NPM2: variants seen among roughly 807,000 people sequenced by gnomAD.
NPM2 encodes the protein nucleophosmin/nucleoplasmin 2.
NPM2 carries 25 observed loss-of-function variants against 32.0 expected under a neutral mutation model. The observed-to-expected ratio is 0.78, with a 90% CI of 0.57 to 1.09. The LOEUF is 1.09. Among genes scored for constraint, NPM2 ranks in the 50% least tolerant of loss-of-function variants. The pLI is 0.00. For synonymous variants in NPM2, 111 were observed against 94.2 expected, an observed-to-expected ratio of 1.18 and a Z score of -1.04; for missense variants, 282 against 259.9, an observed-to-expected ratio of 1.08 and a Z score of -0.58.
Position 22,033,172 on chromosome 8 carries a change from C to G in NPM2, c.313C>G (p.Gln105Glu). ...GCAGCTTTCTCCCCCAGTTACTTTC[C>G]AGCTCCGGGCTGGCTCAGGACCCGT... is the stretch of plus-strand genomic sequence containing the variant. ...GVQLSPPVTF[Q>E]LRAGSGPVFL... Residue 105 changes from glutamine to glutamate, a missense_variant, in exon 6 of 10, where the codon CAG becomes GAG. Transcript: ENST00000518119. 6.2e-7 allele frequency: 1 copy of G among 1,614,128 alleles called. No individual in the cohort carries two copies. Among genetic ancestry groups the G allele is most frequent in the South Asian group, 1.1e-5 (1 of 91,082 alleles).
Position 22,025,267 on chromosome 8 carries a change from A to G in NPM2, c.19A>G (p.Ser7Gly). The G allele has an allele frequency of 6.2e-7, 1 of 1,611,706 alleles. No individual in the cohort carries two copies. The highest frequency in any genetic ancestry group is 2.2e-5 in the East Asian group (1 of 44,840). Residue 7 changes from serine to glycine, a missense_variant, in exon 3 of 10, where the codon AGT (serine) becomes GGT (glycine). Coordinates refer to ENST00000518119, the MANE Select transcript of NPM2 (RefSeq NM_001286680.2). ...CGGAGCCATGAATCTCAGTAGCGCC[A>G]GTAGCACGGAGGAAAAGGCAGTGAC... MNLSSASSTEEKAVTTV... is the reference protein window; with the variant it reads MNLSSAGSTEEKAVTTV...
intron 8 of NPM2, among the ~76,000 whole-genome samples, chr8:22,036,168 G>A (rs148358291): frequency 0.011 from 1,737 of 151,556 alleles, 40 homozygotes; most frequent in African/African-American, 0.04. Flanking sequence ...AGGATCACTC[G>A]AGCCCAGGAG....
At chr8:22,030,906 T>C (rs760311216) in intron 5 of NPM2, among the ~76,000 whole-genome samples, 18 of 152,232 alleles carry the variant, frequency 1.2e-4, no homozygotes, top group Non-Finnish European at 2.4e-4. Context: ...CTGCAGTCAC[T>C]TGATTTCTTT....
intron 5 of NPM2, among the ~76,000 whole-genome samples, chr8:22,028,235 T>G (rs1394716962): frequency 6.6e-6 from 1 of 152,082 alleles, no homozygotes; most frequent in Non-Finnish European, 1.5e-5. Context: ...TAACAGCAGA[T>G]TTGAGTAGTC....
rs1453065505 is a variant in NPM2, at chr8:22,036,697, G to A, written c.*15G>A. 4.5e-6 allele frequency: 7 copies of A among 1,544,576 alleles called. No individual in the cohort carries two copies. The highest frequency in any genetic ancestry group is 6.1e-6 in the Non-Finnish European group (7 of 1,145,518). On this transcript the variant is annotated 3_prime_UTR_variant, in exon 10 of 10. Coordinates refer to ENST00000518119, the MANE Select transcript of NPM2 (RefSeq NM_001286680.2). ...TCAAGAAATGAGGAGCCACGCCTTG[G>A]GGGGCACGGTGCAAAGTGGGCCTTC... is the stretch of plus-strand genomic sequence containing the variant.
At position 22,033,137 on chromosome 8, in the gene NPM2, T is replaced by C. The variant is rs758722915; in HGVS notation, c.278T>C (p.Met93Thr). The change falls in exon 6 of 10, where the codon ATG (methionine) becomes ACG (threonine). Residue 93 changes from methionine to threonine, a missense_variant. Coordinates refer to ENST00000518119, the MANE Select transcript of NPM2 (RefSeq NM_001286680.2). ...TGCTTCCTCCCCCTGCAGGTCTCCA[T>C]GGTAGGAGTGCAGCTTTCTCCCCCA... ...LQASVLPMVS[M>T]VGVQLSPPVT... 2.2e-5 allele frequency: 36 copies of C among 1,613,730 alleles called. No homozygotes were observed. Among genetic ancestry groups the C allele is most frequent in the Non-Finnish European group, 2.6e-5 (31 of 1,179,826 alleles).
chr8:22,033,978 AC>A (rs1366619486), intron 6 of NPM2, 130 bp from the exon 7 acceptor site: 12 of 1,388,428 alleles, frequency 8.6e-6, no homozygotes, highest in Non-Finnish European at 1.2e-5. Context: ...CAGGCAGGTA[AC>A]CACTGTCAAC....
At chr8:22,034,377 T>G in intron 7 of NPM2, 102 bp downstream of exon 7, 1 of 1,384,936 alleles carries the variant, frequency 7.2e-7, no homozygotes, top group East Asian at 2.3e-5. Flanking sequence ...CCAGAATGAG[T>G]GTACAGGATG....
rs575844938 is a variant in NPM2 at position 22,027,022 on chromosome 8, C to T, written c.270+1250C>T. On this transcript the variant is annotated intron_variant, in intron 5 of 9. Coordinates refer to ENST00000518119, the MANE Select transcript of NPM2 (RefSeq NM_001286680.2). The stretch of plus-strand genomic sequence containing the variant: ...ATATGATTCTAGGTTCTTTAGTCCA[C>T]GTGGTAAATTATATGAAGATAATAA... 2.2e-4 allele frequency among the ~76,000 whole-genome samples: 33 copies of T among 152,314 alleles called. 1 individual carries two copies. The South Asian group carries it at 5.8e-3, about 27-fold the overall frequency.
Position 22,034,209 on chromosome 8 carries a change from G to T in NPM2, c.465G>T (p.Leu155=), listed in dbSNP as rs780934780. 4 of 1,612,434 alleles carry T rather than the reference G, an allele frequency of 2.5e-6. No homozygotes were observed. The highest frequency in any genetic ancestry group is 3.4e-6 in the Non-Finnish European group (4 of 1,179,302). ...AGGATGAGGATGCAGATATATCTCT[G>T]GAGGAGCAAAGCCCTGTCAAACAAG... ...DDEDEDADIS[L]EEQSPVKQVK... is the part of the protein sequence containing the mutation. The change falls in exon 7 of 10, where the codon CTG becomes CTT. Residue 155 remains leucine (L), a synonymous_variant. Transcript: ENST00000518119.
intron 2 of NPM2, 183 bp downstream of exon 2, chr8:22,025,013 G>C: frequency 1.9e-6 from 1 of 539,010 alleles, no homozygotes; most frequent in Non-Finnish European, 3.2e-6. Flanking sequence ...TCCTGTACGC[G>C]CCCGGTCGAG....
rs1585504380 is a variant in NPM2 at position 22,025,143 on chromosome 8, G to A, written c.-33-73G>A. The A allele has an allele frequency of 5.3e-6, 7 of 1,317,234 alleles. No homozygotes were observed. The East Asian group carries it at 1.5e-4, about 28-fold the overall frequency. The allele number at this position is 1,317,234 out of a possible 1,614,324, so 81.6% of individuals were successfully genotyped here. On this transcript the variant is annotated intron_variant, in intron 2 of 9. Coordinates refer to ENST00000518119, the MANE Select transcript of NPM2 (RefSeq NM_001286680.2). ...GACCCCTCAGTACCTGCCGATGCCTGCTGGTCTCTGGCATCCTCCAGTCGA... is the reference window on the plus strand; with the variant it reads ...GACCCCTCAGTACCTGCCGATGCCTACTGGTCTCTGGCATCCTCCAGTCGA...
At chr8:22,034,374 G>C in intron 7 of NPM2, 99 bp downstream of exon 7, 1 of 1,393,022 alleles carries the variant, frequency 7.2e-7, no homozygotes, top group South Asian at 1.3e-5. Context: ...CTCCCAGAAT[G>C]AGTGTACAGG....
chr8:22,036,248 C>G, intron 8 of NPM2: 1 of 485,970 alleles, frequency 2.1e-6, no homozygotes, highest in East Asian at 3.6e-5. Context: ...GACTCCATCT[C>G]AAAAACAAAA....
At chr8:22,030,990 G>T (rs959418854) in intron 5 of NPM2, among the ~76,000 whole-genome samples, 1 of 152,080 alleles carries the variant, frequency 6.6e-6, no homozygotes, top group African/African-American at 2.4e-5. Flanking sequence ...AGTTTATTTT[G>T]TTTTTTTCCA....
chr8:22,034,571 C>T, intron 8 of NPM2, 27 bp downstream of exon 8: 1 of 1,569,516 alleles, frequency 6.4e-7, no homozygotes, highest in Non-Finnish European at 8.8e-7. Context: ...ATTAAATTAG[C>T]CAAAGTCTCC....
Position 22,025,229 on chromosome 8 carries a change from C to T in NPM2, c.-20C>T, listed in dbSNP as rs1256210246. The T allele has an allele frequency of 6.2e-7, 1 of 1,608,398 alleles. No homozygotes were observed. Among genetic ancestry groups the T allele is most frequent in the South Asian group, 1.1e-5 (1 of 90,218 alleles). ...CCCTCCTTGCAGCTGCCCGGCCAGC[C>T]CGCTTCTCTGCCCGGAGCCATGAAT... is the stretch of plus-strand genomic sequence containing the variant. On this transcript the variant is annotated 5_prime_UTR_variant, in exon 3 of 10. Transcript: ENST00000518119.
At chr8:22,026,966 G>A (rs544665992) in intron 5 of NPM2, among the ~76,000 whole-genome samples, 2 of 152,224 alleles carry the variant, frequency 1.3e-5, no homozygotes, top group East Asian at 3.9e-4. Context: ...TCACTAGAGG[G>A]GGTTAAATTT....
At position 22,025,790 on chromosome 8, in the gene NPM2, G is replaced by A; in HGVS notation, c.270+18G>A. On this transcript the variant is annotated intron_variant, in intron 5 of 9. Transcript: ENST00000518119. ...TCCCCATGGTGCGCATTTCCCTGCTGGCTGGAAGACTGCTGTCAGCCTCAC... is the reference window on the plus strand; with the variant it reads ...TCCCCATGGTGCGCATTTCCCTGCTAGCTGGAAGACTGCTGTCAGCCTCAC... The A allele has an allele frequency of 1.2e-6, 2 of 1,613,732 alleles. No individual in the cohort carries two copies. Among genetic ancestry groups the A allele is most frequent in the Non-Finnish European group, 8.5e-7 (1 of 1,179,958 alleles).
Sources: gnomAD v4.1 joint callset for allele counts (sites outside exome capture counted in the v4.1 genomes callset) on GRCh38, gnomAD v4.1.1 for gene constraint, MANE v1.5 for transcripts, NCBI Gene and HGNC (gene_info 2026-07-23, HGNC 2026-07-21) for gene names.